Variants in EXPH5 observed in about 807,000 individuals in gnomAD.
EXPH5 encodes exophilin-5.
EXPH5 carries 42 observed loss-of-function variants against 41.1 expected under a neutral mutation model. That is an observed-to-expected ratio of 1.02 (90% CI 0.80 to 1.32). The LOEUF is 1.32. Among genes scored for constraint, EXPH5 ranks in the 40% most tolerant of loss-of-function variants. The probability of loss-of-function intolerance (pLI) is 0.00; values close to 1 mark genes in which losing one functional copy is unlikely to be tolerated. For missense variants in EXPH5, 2,298 were observed against 2,314.5 expected, an observed-to-expected ratio of 0.99 and a Z score of 0.15; for synonymous variants, 798 against 833.5, an observed-to-expected ratio of 0.96 and a Z score of 0.73.
At chr11:108,527,445 G>C (rs2093807519) in intron 4 of EXPH5, among the ~76,000 whole-genome samples, 1 of 152,088 alleles carries the variant, frequency 6.6e-6, no homozygotes, top group Non-Finnish European at 1.5e-5. Flanking sequence ...CCAGTACTAA[G>C]GCTTCGATCC....
At chr11:108,606,725 C>T in the EXPH5 span, among the ~76,000 whole-genome samples, 1 of 152,080 alleles carries the variant, frequency 6.6e-6, no homozygotes, top group Non-Finnish European at 1.5e-5. Context: ...GCCTCCTCTC[C>T]TCATACAGGT....
chr11:108,512,192 A>G lies in EXPH5; in HGVS notation c.3315T>C (p.Ser1105=), dbSNP rs2093687587. Residue 1105 remains serine, a synonymous_variant, in exon 6 of 6, where the codon AGT becomes AGC. Coordinates refer to ENST00000265843, the MANE Select transcript of EXPH5 (RefSeq NM_015065.3). ...ATERMTNVKS[S]GSTSVRKGPL... Reference sequence around the variant, plus strand: ...GTCCTTTTCTAACGGAAGTAGATCCACTGCTTTTTACATTTGTCATTCTCT... The same window carrying G: ...GTCCTTTTCTAACGGAAGTAGATCCGCTGCTTTTTACATTTGTCATTCTCT... 6.2e-7 allele frequency: 1 copy of G among 1,609,430 alleles called. No individual in the cohort carries two copies. Among genetic ancestry groups the G allele is most frequent in the Non-Finnish European group, 8.5e-7 (1 of 1,178,254 alleles).
intron 1 of EXPH5, among the ~76,000 whole-genome samples, chr11:108,553,488 T>C (rs891262858): frequency 6.6e-6 from 1 of 152,330 alleles, no homozygotes; most frequent in South Asian, 2.1e-4. Flanking sequence ...TCTGTTTTCC[T>C]AGGTTTACAT....
intron 1 of EXPH5, among the ~76,000 whole-genome samples, chr11:108,583,006 T>C (rs1163418156): frequency 6.6e-6 from 1 of 152,230 alleles, no homozygotes; most frequent in Non-Finnish European, 1.5e-5. Flanking sequence ...CAATTAGGAC[T>C]CTAACATAGC....
intron 1 of EXPH5, among the ~76,000 whole-genome samples, chr11:108,573,139 GGAAA>G (rs3054581): frequency 0.06 from 5,408 of 90,464 alleles, 145 homozygotes; most frequent in African/African-American, 0.069. Context: ...AAGGAAAGAA[GGAAA>G]GAAAGAAAGA....
intron 1 of EXPH5, among the ~76,000 whole-genome samples, chr11:108,543,633 T>A (rs1469344932): frequency 6.6e-6 from 1 of 152,184 alleles, no homozygotes; most frequent in African/African-American, 2.4e-5. Context: ...GAGCAAGATA[T>A]CTGTGAAGTG....
chr11:108,516,503 G>T (rs1241652838), intron 5 of EXPH5, among the ~76,000 whole-genome samples: 1 of 151,876 alleles, frequency 6.6e-6, no homozygotes, highest in African/African-American at 2.4e-5. Flanking sequence ...CTCTATAATA[G>T]ATATAGTTTA....
At chr11:108,596,228 A>G (rs913643051), upstream of EXPH5, among the ~76,000 whole-genome samples, 5 of 152,112 alleles carry the variant, frequency 3.3e-5, no homozygotes, top group African/African-American at 9.7e-5. Context: ...GATTACTCTG[A>G]TAGCAGTAGA....
intron 5 of EXPH5, among the ~76,000 whole-genome samples, chr11:108,515,607 C>G (rs2093719776): frequency 6.6e-6 from 1 of 152,120 alleles, no homozygotes; most frequent in Non-Finnish European, 1.5e-5. Flanking sequence ...AGTCGTCACA[C>G]AAACTTAGAA....
chr11:108,541,934 G>A (rs2093915180), intron 1 of EXPH5, 122 bp from the exon 2 acceptor site: 1 of 735,508 alleles, frequency 1.4e-6, no homozygotes, highest in Admixed American at 3.1e-5. Flanking sequence ...CTGGAGTGCA[G>A]TGGCACAACC....
intron 3 of EXPH5, among the ~76,000 whole-genome samples, chr11:108,529,352 A>C (rs1429037457): frequency 6.6e-6 from 1 of 152,092 alleles, no homozygotes; most frequent in Non-Finnish European, 1.5e-5. Context: ...TATTTATTTG[A>C]GACAGGATCT....
the EXPH5 span, among the ~76,000 whole-genome samples, chr11:108,601,433 T>A: frequency 1.1e-4 from 16 of 152,254 alleles, no homozygotes; most frequent in Admixed American, 2.0e-4. Flanking sequence ...TAAGAAATGG[T>A]CACATAAATT....
intron 1 of EXPH5, among the ~76,000 whole-genome samples, chr11:108,575,557 A>T (rs918147239): frequency 2.6e-5 from 4 of 152,272 alleles, no homozygotes; most frequent in African/African-American, 9.6e-5. Context: ...GAATATATGC[A>T]GTAGAATAGT....
chr11:108,546,823 ATTT>A (rs5794595), intron 1 of EXPH5, among the ~76,000 whole-genome samples: 43 of 144,846 alleles, frequency 3.0e-4, no homozygotes, highest in African/African-American at 1.1e-3. Flanking sequence ...ATTTTCTATT[ATTT>A]TTTTTTTTTT....
chr11:108,548,238 CT>C (rs897434040), intron 1 of EXPH5, among the ~76,000 whole-genome samples: 2 of 106,702 alleles, frequency 1.9e-5, no homozygotes, highest in South Asian at 3.2e-4. Flanking sequence ...ACTTTTTTTT[CT>C]TTTTTTTGTT....
At chr11:108,563,749 G>A (rs896254682) in intron 1 of EXPH5, among the ~76,000 whole-genome samples, 2 of 152,172 alleles carry the variant, frequency 1.3e-5, no homozygotes, top group Non-Finnish European at 2.9e-5. Flanking sequence ...CACCACTGAA[G>A]GGGTGGAGAG....
chr11:108,544,676 A>G (rs1343829436), intron 1 of EXPH5, among the ~76,000 whole-genome samples: 2 of 152,192 alleles, frequency 1.3e-5, no homozygotes, highest in African/African-American at 4.8e-5. Flanking sequence ...CAAGAACATT[A>G]ATTTAACTGA....
intron 3 of EXPH5, among the ~76,000 whole-genome samples, chr11:108,528,552 G>C (rs1348100107): frequency 6.6e-6 from 1 of 152,180 alleles, no homozygotes; most frequent in Non-Finnish European, 1.5e-5. Context: ...ACTCTCCTGA[G>C]ATGGATATTA....
At position 108,514,800 on chromosome 11, in the gene EXPH5, T is replaced by C. The variant is rs1199521262; in HGVS notation, c.707A>G (p.Tyr236Cys). The C allele has an allele frequency of 3.7e-6, 6 of 1,601,894 alleles. No individual in the cohort carries two copies. Among genetic ancestry groups the C allele is most frequent in the Non-Finnish European group, 5.1e-6 (6 of 1,175,612 alleles). The part of the protein sequence containing the change: ...SSVNTRTPLN[Y>C]GSRTQFGHFY... ...GTGACCGAACTGTGTTCTTGATCCA[T>C]AGTTGAGGGGTGTTCTGGTATTCAC... The change falls in exon 6 of 6, where the codon TAT becomes TGT. Residue 236 changes from tyrosine to cysteine, a missense_variant. Physicochemically the swap from Tyr to Cys is radical, Grantham distance 194 (BLOSUM62 -2). Transcript: ENST00000265843.
Sources: gnomAD v4.1 joint callset for allele counts (sites outside exome capture counted in the v4.1 genomes callset) on GRCh38, gnomAD v4.1.1 for gene constraint, MANE v1.5 for transcripts, NCBI Gene and HGNC (gene_info 2026-07-23, HGNC 2026-07-21) for gene names.